PXDN: variants seen among roughly 807,000 people sequenced by gnomAD.
The protein encoded by PXDN is peroxidasin.
Under a neutral mutation model 140.3 loss-of-function variants are expected in PXDN, and 77 were observed. That is an observed-to-expected ratio of 0.55 (90% confidence interval 0.46 to 0.66). The LOEUF is 0.66. Ranked by LOEUF, PXDN falls within the 30% of genes least tolerant of loss-of-function variation. The probability of loss-of-function intolerance (pLI) is 0.00; values close to 1 mark genes in which losing one functional copy is unlikely to be tolerated. For missense variants in PXDN, 1,838 were observed against 2,039.5 expected (o/e 0.90, Z 1.90); for synonymous variants, 911 against 857.4 (o/e 1.06, Z -1.09).
chr2:1,654,642 C>A (rs1440636050), intron 14 of PXDN, 134 bp from the exon 15 acceptor site: 4 of 616,572 alleles, frequency 6.5e-6, no homozygotes, highest in Non-Finnish European at 1.1e-5. Flanking sequence ...CAAACCCAAA[C>A]TCAAATTATT....
At chr2:1,726,794 A>G (rs886361822) in intron 1 of PXDN, among the ~76,000 whole-genome samples, 17 of 152,110 alleles carry the variant, frequency 1.1e-4, no homozygotes, top group African/African-American at 4.1e-4. Flanking sequence ...CAGAGCTTTT[A>G]CTTTAATGTA....
intron 1 of PXDN, among the ~76,000 whole-genome samples, chr2:1,717,719 A>T (rs1394358465): frequency 6.6e-6 from 1 of 151,676 alleles, no homozygotes; most frequent in Non-Finnish European, 1.5e-5. Context: ...CTACTAACCT[A>T]CTCCACTAAC....
chr2:1,689,550 AGGTG>A (rs1283355693), intron 3 of PXDN, among the ~76,000 whole-genome samples: 2 of 152,190 alleles, frequency 1.3e-5, no homozygotes, highest in African/African-American at 2.4e-5. Context: ...TGGGAGGCCA[AGGTG>A]GGTGGATCAC....
At chr2:1,688,543 G>A (rs1684114429) in intron 3 of PXDN, among the ~76,000 whole-genome samples, 1 of 152,138 alleles carries the variant, frequency 6.6e-6, no homozygotes, top group Non-Finnish European at 1.5e-5. Flanking sequence ...ACCCATCTCG[G>A]ACATGACTCG....
intron 14 of PXDN, among the ~76,000 whole-genome samples, chr2:1,657,038 G>C (rs998892832): frequency 1.4e-5 from 2 of 144,538 alleles, no homozygotes; most frequent in African/African-American, 5.2e-5. Flanking sequence ...CTGCTGACAG[G>C]GACTGACCTT....
At chr2:1,671,109 A>C (rs1302350998) in intron 9 of PXDN, among the ~76,000 whole-genome samples, 1 of 152,282 alleles carries the variant, frequency 6.6e-6, no homozygotes, top group South Asian at 2.1e-4. Context: ...AGAACCAAGC[A>C]CATCAACTCA....
intron 9 of PXDN, among the ~76,000 whole-genome samples, chr2:1,671,696 G>A (rs1413133926): frequency 2.0e-5 from 3 of 148,808 alleles, no homozygotes; most frequent in African/African-American, 5.0e-5. Context: ...GCCCCTTTGT[G>A]TCTCACAGAG....
rs199885858 is a variant in PXDN at position 1,643,426 on chromosome 2, G to A, written c.3894C>T (p.Tyr1298=). 33 of 1,613,918 alleles carry A rather than the reference G, an allele frequency of 2.0e-5. No homozygotes were observed. The highest frequency in any genetic ancestry group is 1.6e-4 in the Middle Eastern group (1 of 6,062). ...VFRVAEFPHG[Y]GSCDEIPRVD... is the part of the protein sequence containing the mutation. The stretch of plus-strand genomic sequence containing the variant: ...CCCTGGGGATCTCGTCACAGCTGCC[G>A]TAGCCGTGAGGGAACTCCGCCACCC... Residue 1298 remains tyrosine, a synonymous_variant, in exon 19 of 23, where the codon TAC becomes TAT. Coordinates refer to ENST00000252804, the MANE Select transcript of PXDN (RefSeq NM_012293.3).
intron 13 of PXDN, among the ~76,000 whole-genome samples, chr2:1,661,603 G>C (rs1369120724): frequency 2.6e-5 from 4 of 152,198 alleles, no homozygotes; most frequent in African/African-American, 4.8e-5. Context: ...AGTGTGGCCA[G>C]CCCTGTGCTC....
intron 1 of PXDN, among the ~76,000 whole-genome samples, chr2:1,723,147 T>C (rs1165429730): frequency 4.6e-5 from 7 of 151,864 alleles, no homozygotes; most frequent in Admixed American, 4.6e-4. Flanking sequence ...CATTGATGGA[T>C]GGCTGACTGG....
chr2:1,733,600 G>A (rs1419199356), intron 1 of PXDN, among the ~76,000 whole-genome samples: 3 of 152,060 alleles, frequency 2.0e-5, no homozygotes, highest in South Asian at 2.1e-4. Context: ...AAATTAGCCA[G>A]GTGTGGCGGT....
Position 1,647,583 on chromosome 2 carries a change from T to TG in PXDN, c.3608+588dup, listed in dbSNP as rs142073297. ...GAACAAGGAGAACCGCACCCACAGG[T>TG]GATCAAGGCTGTGGCTCAGAAGCGG... is the stretch of plus-strand genomic sequence containing the variant. On this transcript the variant is annotated intron_variant, in intron 17 of 22. Coordinates refer to ENST00000252804, the MANE Select transcript of PXDN (RefSeq NM_012293.3). 7.3e-3 allele frequency among the ~76,000 whole-genome samples: 1,109 copies of TG among 152,298 alleles called. 10 individuals are homozygous for TG. The highest frequency in any genetic ancestry group is 0.025 in the African/African-American group (1,044 of 41,564).
chr2:1,635,992 A>C (rs1682548753), intron 21 of PXDN: 2 of 269,580 alleles, frequency 7.4e-6, no homozygotes, highest in South Asian at 4.1e-5. Context: ...AGCCTCCTGG[A>C]AGGGTCTCCT....
At position 1,671,084 on chromosome 2, in the gene PXDN, G is replaced by A. The variant is rs932701929; in HGVS notation, c.1018+2559C>T. Reference sequence around the variant, plus strand: ...GAGAACAAAATAATAATGTTTATAGGTTTAAAAAAAAAACAGAACCAAGCA... The same window carrying A: ...GAGAACAAAATAATAATGTTTATAGATTTAAAAAAAAAACAGAACCAAGCA... On this transcript the variant is annotated intron_variant, in intron 9 of 22. Transcript: ENST00000252804. Among the ~76,000 whole-genome samples, 4 of 150,860 alleles carry A rather than the reference G, an allele frequency of 2.7e-5. No individual in the cohort carries two copies. The East Asian group carries it at 7.7e-4, about 29-fold the overall frequency.
rs1684095526 is a variant in PXDN, at chr2:1,687,786, T to C, written c.345-83A>G. 2 of 1,053,172 alleles carry C rather than the reference T, an allele frequency of 1.9e-6. No individual in the cohort carries two copies. Among genetic ancestry groups the C allele is most frequent in the Non-Finnish European group, 2.8e-6 (2 of 711,748 alleles). 65.2% of individuals were successfully genotyped at this position (1,053,172 alleles called of 1,614,324 possible). A position where few individuals can be genotyped will look rare whatever the true frequency, so the allele number is the denominator to read the frequency against. On this transcript the variant is annotated intron_variant, in intron 3 of 22. Transcript: ENST00000252804. The surrounding 1 kb of genome is among the most constrained non-coding windows in gnomAD (Gnocchi z 4.0). ...GGAAAAGAAGAATTAAATTGACACA[T>C]GGAGACAGTTTTACAATTAATGACT...
At chr2:1,695,093 G>A (rs538933351) in intron 1 of PXDN, among the ~76,000 whole-genome samples, 13 of 152,314 alleles carry the variant, frequency 8.5e-5, no homozygotes, top group East Asian at 7.7e-4. Flanking sequence ...CTCATTCCCC[G>A]TGGGAACCCA....
chr2:1,635,602 C>T (rs1202827111), intron 21 of PXDN, 81 bp from the exon 22 acceptor site: 1 of 1,038,552 alleles, frequency 9.6e-7, no homozygotes, highest in Non-Finnish European at 1.5e-6. Context: ...TGTTATTTCA[C>T]TGAAAATAAT....
chr2:1,665,465 G>C (rs1396661207), intron 10 of PXDN, among the ~76,000 whole-genome samples: 1 of 152,192 alleles, frequency 6.6e-6, no homozygotes, highest in Non-Finnish European at 1.5e-5. Flanking sequence ...TATGATGATA[G>C]TGGTTATTAT....
At chr2:1,643,069 T>C (rs1682765259) in intron 19 of PXDN, among the ~76,000 whole-genome samples, 1 of 152,226 alleles carries the variant, frequency 6.6e-6, no homozygotes, top group Non-Finnish European at 1.5e-5. Flanking sequence ...TACATTAGGC[T>C]TTAAGGAAAA....
Sources: allele counts gnomAD v4.1 joint callset (sites outside exome capture counted in the v4.1 genomes callset), GRCh38; gene constraint gnomAD v4.1.1; non-coding constraint Gnocchi (gnomAD v3.1); transcripts MANE v1.5; gene names NCBI Gene and HGNC (gene_info 2026-07-23, HGNC 2026-07-21).